Variants in TTK observed in about 807,000 individuals in gnomAD.
TTK encodes dual specificity protein kinase TTK.
Under a neutral mutation model 117.3 loss-of-function variants are expected in TTK, and 59 were observed. That is an observed-to-expected ratio of 0.50 (90% confidence interval 0.41 to 0.62). The LOEUF (loss-of-function observed/expected upper bound fraction) is 0.62. Ranked by LOEUF, TTK falls within the 20% of genes least tolerant of loss-of-function variation. The pLI, the probability that TTK is intolerant of heterozygous loss-of-function variation, is 0.00. For missense variants in TTK, 921 were observed against 989.4 expected, an observed-to-expected ratio of 0.93 and a Z score of 0.93; for synonymous variants, 302 against 325.0, an observed-to-expected ratio of 0.93 and a Z score of 0.76.
intron 20 of TTK, 89 bp from the exon 21 acceptor site, chr6:80,040,517 A>G (rs1768019884): frequency 1.7e-6 from 2 of 1,146,256 alleles, no homozygotes. Flanking sequence ...TTATAAGAAT[A>G]TCACTTTGTG....
At chr6:80,006,096 C>A in intron 2 of TTK, 114 bp downstream of exon 2, 2 of 1,399,428 alleles carry the variant, frequency 1.4e-6, no homozygotes, top group East Asian at 2.4e-5. Context: ...TGTCTTTCTC[C>A]TCCATTAGAA....
chr6:80,029,569 T>A (rs2127679550), intron 13 of TTK, among the ~76,000 whole-genome samples: 1 of 152,290 alleles, frequency 6.6e-6, no homozygotes, highest in Middle Eastern at 3.4e-3. Context: ...GTGAAGGGGC[T>A]TGGTGGAGCC....
rs56007972 is a variant in TTK at position 80,031,489 on chromosome 6, A to T, written c.1544A>T (p.Asn515Ile). ...TAGGTTTTAGCATCTTCTTCAGCAA[A>T]TGAATGCATTTCGGTTAAAGGAAGA... ...NLQVLASSSANECISVKGRIY... is the reference protein window; with the variant it reads ...NLQVLASSSAIECISVKGRIY... The change falls in exon 14 of 22, where the codon AAT (asparagine) becomes ATT (isoleucine). Residue 515 changes from asparagine (N) to isoleucine (I), a missense_variant. Asn to Ile is a moderately radical substitution (Grantham distance 149). Transcript: ENST00000369798. 1.6e-5 allele frequency: 24 copies of T among 1,514,736 alleles called. 1 individual carries two copies. In the East Asian group the frequency reaches 5.6e-4, roughly 35 times the overall value. 93.8% of individuals were successfully genotyped at this position (1,514,736 alleles called of 1,614,324 possible).
chr6:80,011,551 A>G lies in TTK; in HGVS notation c.728+3A>G, dbSNP rs1460690854. 1.3e-6 allele frequency: 2 copies of G among 1,593,994 alleles called. No individual in the cohort carries two copies. Among genetic ancestry groups the G allele is most frequent in the Non-Finnish European group, 1.7e-6 (2 of 1,172,610 alleles). Reference sequence around the variant, plus strand: ...ACTAAAGCCAGGTTTTTATATGGGTAAGGAAACGGAAACAGTTTTTAAATG... The same window carrying G: ...ACTAAAGCCAGGTTTTTATATGGGTGAGGAAACGGAAACAGTTTTTAAATG... On this transcript the variant is annotated splice_donor_region_variant and intron_variant, in intron 6 of 21. Transcript: ENST00000369798.
Position 80,031,453 on chromosome 6 carries a change from TTTTAC to T in TTK, c.1522-11_1522-7del. 6.9e-7 allele frequency: 1 copy of T among 1,452,398 alleles called. No individual in the cohort carries two copies. Among genetic ancestry groups the T allele is most frequent in the South Asian group, 1.6e-5 (1 of 64,278 alleles). 90.0% of individuals were successfully genotyped at this position (1,452,398 alleles called of 1,614,324 possible). Reference sequence around the variant, plus strand: ...ATATTGATTAACTTTTATTTATATATTTTACTTATTTAGGTTTTAGCATCTTCTTC... The same window carrying T: ...ATATTGATTAACTTTTATTTATATATTTATTTAGGTTTTAGCATCTTCTTC... On this transcript the variant is annotated splice_polypyrimidine_tract_variant and intron_variant, in intron 13 of 21. Coordinates refer to ENST00000369798, the MANE Select transcript of TTK (RefSeq NM_003318.5).
In TTK at chr6:80,008,370, A is replaced by G; in HGVS notation, c.363-16A>G. On this transcript the variant is annotated splice_polypyrimidine_tract_variant and intron_variant, in intron 3 of 21. Transcript: ENST00000369798. ...TGTTCTTTTTCTTAAATTTTGACTC[A>G]AATCTTTTATTACAGTATTCAAGAG... 1 of 1,596,340 alleles carries G rather than the reference A, an allele frequency of 6.3e-7. No individual in the cohort carries two copies.
Position 80,008,929 on chromosome 6 carries a change from CTGTGTGTGTGTGTGTGTG to C in TTK, c.469+459_469+476del, listed in dbSNP as rs3049166. Among the ~76,000 whole-genome samples, 178 of 142,406 alleles carry C rather than the reference CTGTGTGTGTGTGTGTGTG, an allele frequency of 1.2e-3. 1 individual carries two copies. Among genetic ancestry groups the C allele is most frequent in the African/African-American group, 4.5e-3 (173 of 38,656 alleles). The allele number at this position is 142,406 out of a possible 152,430, so 93.4% of individuals were successfully genotyped here. A position where few individuals can be genotyped will look rare whatever the true frequency, so the allele number is the denominator to read the frequency against. On this transcript the variant is annotated intron_variant, in intron 4 of 21. Transcript: ENST00000369798. The stretch of plus-strand genomic sequence containing the variant: ...CTTGGTGGTCAAGTAAACTATATAT[CTGTGTGTGTGTGTGTGTG>C]TGTGTGTGTGTGTGTGTGTGTAGCG...
intron 21 of TTK, among the ~76,000 whole-genome samples, chr6:80,041,681 C>T (rs1158947288): frequency 6.6e-6 from 1 of 150,960 alleles, no homozygotes; most frequent in Non-Finnish European, 1.5e-5. Context: ...TTTTTAAATA[C>T]ATGGATTTTA....
At position 80,007,893 on chromosome 6, in the gene TTK, ACAGT is replaced by A; in HGVS notation, c.225_228del (p.Asn75LysfsTer4). ...AGTTTGTTGCTCAAACTAGAGAAAA[ACAGT>A]GTTCCGCTAAGTGATGCTCTTTTAA... On this transcript the variant is annotated frameshift_variant, in exon 3 of 22. Coordinates refer to ENST00000369798, the MANE Select transcript of TTK (RefSeq NM_003318.5). LOFTEE classifies it high-confidence loss of function. 1 of 1,613,600 alleles carries A rather than the reference ACAGT, an allele frequency of 6.2e-7. No individual in the cohort carries two copies. The highest frequency in any genetic ancestry group is 8.5e-7 in the Non-Finnish European group (1 of 1,179,632).
At chr6:80,023,964 C>T (rs974429759) in intron 11 of TTK, among the ~76,000 whole-genome samples, 1 of 151,302 alleles carries the variant, frequency 6.6e-6, no homozygotes, top group Admixed American at 6.6e-5. Context: ...AGCATCTCCT[C>T]TTTTTTTTCT....
At chr6:80,040,053 G>A in intron 19 of TTK, 143 bp from the exon 20 acceptor site, 3 of 938,576 alleles carry the variant, frequency 3.2e-6, no homozygotes, top group African/African-American at 1.7e-5. Flanking sequence ...AAGTGCCTTG[G>A]GAGAAATAAT....
In TTK at chr6:80,042,104, G is replaced by T; in HGVS notation, c.2491-15G>T. On this transcript the variant is annotated splice_polypyrimidine_tract_variant and intron_variant, in intron 21 of 21. Transcript: ENST00000369798. ...CTAAAAAATTGCAAAACAGATTTGT[G>T]TTTTTTAATTTCAGACTTTATATGA... 6.6e-7 allele frequency: 1 copy of T among 1,520,420 alleles called. No homozygotes were observed. The allele number at this position is 1,520,420 out of a possible 1,614,324, so 94.2% of individuals were successfully genotyped here.
At chr6:80,041,732 T>G (rs548893719) in intron 21 of TTK, among the ~76,000 whole-genome samples, 2 of 151,130 alleles carry the variant, frequency 1.3e-5, no homozygotes, top group African/African-American at 4.8e-5. Flanking sequence ...TTGTAATGTC[T>G]TCTATTTATT....
intron 16 of TTK, among the ~76,000 whole-genome samples, chr6:80,035,702 T>C (rs1283138169): frequency 2.6e-5 from 4 of 152,154 alleles, no homozygotes; most frequent in African/African-American, 9.7e-5. Flanking sequence ...ACTTGGATTA[T>C]AGCAGGTCTA....
chr6:80,027,176 C>A (rs952481349), intron 12 of TTK, among the ~76,000 whole-genome samples: 1 of 152,036 alleles, frequency 6.6e-6, no homozygotes, highest in South Asian at 2.1e-4. Context: ...TTGTCTTTTG[C>A]GTTTCATTTT....
chr6:80,011,018 GATA>G lies in TTK; in HGVS notation c.613+67_613+69del, dbSNP rs1008059257. The G allele has an allele frequency of 2.6e-5, 39 of 1,475,118 alleles. No homozygotes were observed. In the African/African-American group the frequency reaches 5.1e-4, roughly 19 times the overall value. 91.4% of individuals were successfully genotyped at this position (1,475,118 alleles called of 1,614,324 possible). A position where few individuals can be genotyped will look rare whatever the true frequency, so the allele number is the denominator to read the frequency against. ...GGTAGTACTTCAAATAAAGATTCGGGATAATAATTTATAGAAAAATATTATTTA... is the reference window on the plus strand; with the variant it reads ...GGTAGTACTTCAAATAAAGATTCGGGATAATTTATAGAAAAATATTATTTA... On this transcript the variant is annotated intron_variant, in intron 5 of 21. Coordinates refer to ENST00000369798, the MANE Select transcript of TTK (RefSeq NM_003318.5).
rs774977918 is a variant in TTK at position 80,005,827 on chromosome 6, C to T, written c.-2-15C>T. 2 of 1,610,382 alleles carry T rather than the reference C, an allele frequency of 1.2e-6. No homozygotes were observed. The highest frequency in any genetic ancestry group is 3.4e-5 in the Admixed American group (2 of 59,066). ...AGTTAAAGTAGGAGTTATGACTGTT[C>T]AGTTTTTTTCTTAGAAATGGAATCC... is the stretch of plus-strand genomic sequence containing the variant. On this transcript the variant is annotated splice_polypyrimidine_tract_variant and intron_variant, in intron 1 of 21. Coordinates refer to ENST00000369798, the MANE Select transcript of TTK (RefSeq NM_003318.5).
At chr6:80,030,391 TTAAG>T (rs1407064667) in intron 13 of TTK, among the ~76,000 whole-genome samples, 1 of 152,124 alleles carries the variant, frequency 6.6e-6, no homozygotes, top group Non-Finnish European at 1.5e-5. Context: ...TTCTGAAAAA[TTAAG>T]TAACTTGTTG....
rs768765127 is a variant in TTK at position 80,007,816 on chromosome 6, G to A, written c.147G>A (p.Ser49=). The part of the protein sequence containing the change: ...NKISADTTDN[S]GTVNQIMMMA... ...TTTGTTCCCCTTATTTAGATAACTC[G>A]GGAACTGTTAACCAAATTATGATGA... The change falls in exon 3 of 22, where the codon TCG becomes TCA. Residue 49 remains serine (S), a synonymous_variant. Transcript: ENST00000369798. 31 of 1,607,434 alleles carry A rather than the reference G, an allele frequency of 1.9e-5. No homozygotes were observed. The highest frequency in any genetic ancestry group is 1.7e-4 in the Middle Eastern group (1 of 6,058).
Sources: allele counts gnomAD v4.1 joint callset (sites outside exome capture counted in the v4.1 genomes callset), GRCh38; gene constraint gnomAD v4.1.1; transcripts MANE v1.5; gene names NCBI Gene and HGNC (gene_info 2026-07-23, HGNC 2026-07-21).